The following ARID1A variants were observed in gnomAD, a reference collection of about 807,000 sequenced individuals.
ARID1A encodes the protein AT-rich interactive domain-containing protein 1A.
A neutral mutation model predicts 212.6 loss-of-function variants in ARID1A; 20 were observed. The ratio of observed to expected loss-of-function variants is 0.09; its 90% CI spans 0.07 to 0.14. The LOEUF (loss-of-function observed/expected upper bound fraction) is 0.14, where lower values mean the gene tolerates loss of function less well. ARID1A is among the 10% of genes least tolerant of loss of function. The probability of loss-of-function intolerance (pLI) is 1.00; values close to 1 mark genes in which losing one functional copy is unlikely to be tolerated. For synonymous variants in ARID1A, 1,376 were observed against 1,222.1 expected, an observed-to-expected ratio of 1.13 and a Z score of -2.63; for missense variants, 2,587 against 3,059.0, an observed-to-expected ratio of 0.85 and a Z score of 3.64.
intron 11 of ARID1A, among the ~76,000 whole-genome samples, chr1:26,768,396 C>G (rs2081057029): frequency 6.6e-6 from 1 of 152,106 alleles, no homozygotes; most frequent in African/African-American, 2.4e-5. Flanking sequence ...CCACTCTGAA[C>G]CTTAATTTCA....
rs2081079889 is a variant in ARID1A, at chr1:26,771,113, A to T, written c.3199-6A>T. 1.9e-6 allele frequency: 3 copies of T among 1,614,206 alleles called. No homozygotes were observed. Among genetic ancestry groups the T allele is most frequent in the Non-Finnish European group, 2.5e-6 (3 of 1,180,014 alleles). On this transcript the variant is annotated splice_polypyrimidine_tract_variant and splice_region_variant and intron_variant, in intron 11 of 19. Transcript: ENST00000324856. This position sits in a 1 kb window ranked among gnomAD's most constrained non-coding sequence, Gnocchi z 5.4. The stretch of plus-strand genomic sequence containing the variant: ...ATACCTCGACTCCTTTGGTTTGGTT[A>T]TACAGGTCAACAAGAACAAAAAATG...
At chr1:26,753,875 C>T (rs776323840) in intron 4 of ARID1A, among the ~76,000 whole-genome samples, 2 of 152,212 alleles carry the variant, frequency 1.3e-5, no homozygotes, top group Admixed American at 6.5e-5. Context: ...GGCGTGATCT[C>T]GGCTCATTGC....
At chr1:26,732,595 C>A in intron 3 of ARID1A, 81 bp from the exon 4 acceptor site, 1 of 1,141,806 alleles carries the variant, frequency 8.8e-7, no homozygotes, top group South Asian at 1.3e-5. Flanking sequence ...GAGAGACAGT[C>A]CCATAACCCT....
rs189813657 is a variant in ARID1A at position 26,758,178 on chromosome 1, G to A, written c.1921-2678G>A. Among the ~76,000 whole-genome samples the A allele has an allele frequency of 2.0e-5, 3 of 152,248 alleles. No homozygotes were observed. The East Asian group carries it at 5.8e-4, about 29-fold the overall frequency. ...TGCTATATAGACTGTAGGGCCTAACGAGTGCTTCTTGAGACCCTTTCTACT... is the reference window on the plus strand; with the variant it reads ...TGCTATATAGACTGTAGGGCCTAACAAGTGCTTCTTGAGACCCTTTCTACT... On this transcript the variant is annotated intron_variant, in intron 4 of 19. Transcript: ENST00000324856.
At chr1:26,708,991 A>G (rs926531638) in intron 1 of ARID1A, among the ~76,000 whole-genome samples, 15 of 152,090 alleles carry the variant, frequency 9.9e-5, no homozygotes, top group African/African-American at 3.4e-4. Flanking sequence ...CACCGCGCCC[A>G]GCGGATTATT....
intron 1 of ARID1A, among the ~76,000 whole-genome samples, chr1:26,704,208 TGTG>T (rs2080365659): frequency 1.3e-5 from 2 of 152,134 alleles, no homozygotes; most frequent in African/African-American, 4.8e-5. Context: ...TAGTGGTTCT[TGTG>T]GTCAGGTAGA....
intron 4 of ARID1A, among the ~76,000 whole-genome samples, chr1:26,755,314 G>A (rs1482813006): frequency 6.6e-6 from 1 of 152,204 alleles, no homozygotes. Flanking sequence ...CTGACCAGTT[G>A]CCATCTAATG....
At chr1:26,757,760 C>T (rs1341681077) in intron 4 of ARID1A, among the ~76,000 whole-genome samples, 2 of 151,978 alleles carry the variant, frequency 1.3e-5, no homozygotes, top group Non-Finnish European at 2.9e-5. Flanking sequence ...CTCCACCTCC[C>T]GGGTTCAAGG....
chr1:26,763,712 T>C (rs1043112786), intron 8 of ARID1A, among the ~76,000 whole-genome samples: 2 of 152,162 alleles, frequency 1.3e-5, no homozygotes, highest in Non-Finnish European at 2.9e-5. Flanking sequence ...GAGGTTGCAG[T>C]GAGCCAAGAC....
intron 1 of ARID1A, among the ~76,000 whole-genome samples, chr1:26,726,622 A>G (rs1361014908): frequency 6.6e-6 from 1 of 152,172 alleles, no homozygotes; most frequent in African/African-American, 2.4e-5. Flanking sequence ...CTTTATGGCT[A>G]GATAGTTTGA....
At chr1:26,709,757 A>G (rs180776105) in intron 1 of ARID1A, among the ~76,000 whole-genome samples, 34 of 150,740 alleles carry the variant, frequency 2.3e-4, no homozygotes, top group African/African-American at 4.6e-4. Flanking sequence ...ACCTCAAGCA[A>G]TCTTCCTTCC....
intron 4 of ARID1A, among the ~76,000 whole-genome samples, chr1:26,745,961 G>A (rs967812070): frequency 2.0e-4 from 31 of 152,200 alleles, no homozygotes; most frequent in African/African-American, 7.5e-4. Flanking sequence ...TGAGGCAGGA[G>A]AATCGCTTGA....
intron 17 of ARID1A, 83 bp downstream of exon 17, chr1:26,773,981 T>TA: frequency 6.6e-7 from 1 of 1,504,718 alleles, no homozygotes; most frequent in South Asian, 1.2e-5. Context: ...TGTTGAAGTC[T>TA]AAGAAGCTCA....
At chr1:26,772,308 A>G in intron 12 of ARID1A, 192 bp from the exon 13 acceptor site, 2 of 759,150 alleles carry the variant, frequency 2.6e-6, no homozygotes, top group South Asian at 3.9e-5. Flanking sequence ...AAACAAAAAC[A>G]AAGAGCTACA....
intron 1 of ARID1A, among the ~76,000 whole-genome samples, chr1:26,723,318 G>C (rs1382575378): frequency 6.6e-6 from 1 of 152,182 alleles, no homozygotes; most frequent in East Asian, 1.9e-4. Flanking sequence ...ACTTGCCCCT[G>C]CCTGGAATGC....
intron 4 of ARID1A, among the ~76,000 whole-genome samples, chr1:26,757,028 G>C (rs1053549318): frequency 3.3e-5 from 5 of 152,092 alleles, no homozygotes; most frequent in African/African-American, 1.2e-4. Context: ...TTTATCATGA[G>C]AATGTTTATG....
At chr1:26,717,906 G>T (rs371786505) in intron 1 of ARID1A, among the ~76,000 whole-genome samples, 187 of 152,214 alleles carry the variant, frequency 1.2e-3, no homozygotes, top group African/African-American at 4.2e-3. Context: ...GAATACAAAG[G>T]CTCTGAGGCT....
chr1:26,747,344 C>A (rs1218373622), intron 4 of ARID1A, among the ~76,000 whole-genome samples: 2 of 152,172 alleles, frequency 1.3e-5, no homozygotes, highest in South Asian at 2.1e-4. Context: ...TCCCATTTGA[C>A]CTTTCCCAAA....
chr1:26,718,106 C>G (rs955705409), intron 1 of ARID1A, among the ~76,000 whole-genome samples: 1 of 152,162 alleles, frequency 6.6e-6, no homozygotes, highest in Non-Finnish European at 1.5e-5. Context: ...TCCTGAGTAG[C>G]TGGGATTACA....
Sources: allele counts gnomAD v4.1 joint callset (sites outside exome capture counted in the v4.1 genomes callset), GRCh38; gene constraint gnomAD v4.1.1; non-coding constraint Gnocchi (gnomAD v3.1); transcripts MANE v1.5; gene names NCBI Gene and HGNC (gene_info 2026-07-23, HGNC 2026-07-21).